CNGB3: variants seen among roughly 807,000 people sequenced by gnomAD.
The protein encoded by CNGB3 is cyclic nucleotide-gated channel beta-3.
CNGB3 carries 86 observed loss-of-function variants against 92.8 expected under a neutral mutation model. The ratio of observed to expected loss-of-function variants is 0.93; its 90% CI spans 0.78 to 1.11. The LOEUF (loss-of-function observed/expected upper bound fraction) is 1.11, where lower values mean the gene tolerates loss of function less well. CNGB3 is among the 50% of genes least tolerant of loss of function. The pLI, the probability that CNGB3 is intolerant of heterozygous loss-of-function variation, is 0.00. For missense variants in CNGB3, 1,026 were observed against 956.8 expected (o/e 1.07, Z -0.95); for synonymous variants, 333 against 332.7 (o/e 1.00, Z -0.01).
rs1175217602 is a variant in CNGB3 at position 86,604,220 on chromosome 8, T to G, written c.1663-9A>C. The G allele has an allele frequency of 1.3e-6, 2 of 1,535,496 alleles. No individual in the cohort carries two copies. The highest frequency in any genetic ancestry group is 1.1e-5 in the South Asian group (1 of 89,258). On this transcript the variant is annotated splice_polypyrimidine_tract_variant and intron_variant, in intron 14 of 17. Coordinates refer to ENST00000320005, the MANE Select transcript of CNGB3 (RefSeq NM_019098.5). ...TCCTTGCCAATTTCTCCCTACATTTTAAATATAAAGAGGAAATGGTAGTTA... is the reference window on the plus strand; with the variant it reads ...TCCTTGCCAATTTCTCCCTACATTTGAAATATAAAGAGGAAATGGTAGTTA...
intron 14 of CNGB3, among the ~76,000 whole-genome samples, chr8:86,610,381 T>C (rs1379606221): frequency 1.3e-5 from 2 of 152,188 alleles, no homozygotes; most frequent in Non-Finnish European, 2.9e-5. Flanking sequence ...TTCTCTGCAC[T>C]CCCTCTATAG....
intron 10 of CNGB3, among the ~76,000 whole-genome samples, chr8:86,641,597 T>C (rs1437957213): frequency 6.6e-6 from 1 of 151,894 alleles, no homozygotes; most frequent in Non-Finnish European, 1.5e-5. Flanking sequence ...TTTGTGTCTT[T>C]TTTTGGACTG....
intron 3 of CNGB3, among the ~76,000 whole-genome samples, chr8:86,700,577 T>G (rs1213374067): frequency 6.6e-6 from 1 of 152,204 alleles, no homozygotes; most frequent in African/African-American, 2.4e-5. Flanking sequence ...CAGGTTATGG[T>G]GTGAATCAAA....
At chr8:86,612,971 G>A (rs73271550) in intron 13 of CNGB3, among the ~76,000 whole-genome samples, 2,052 of 152,258 alleles carry the variant, frequency 0.013, 45 homozygotes, top group African/African-American at 0.046. Context: ...GATGGTAGAA[G>A]ATAATCATGT....
chr8:86,634,284 T>C (rs1015560694), intron 10 of CNGB3, among the ~76,000 whole-genome samples: 1 of 152,154 alleles, frequency 6.6e-6, no homozygotes, highest in African/African-American at 2.4e-5. Context: ...CAACAATTTA[T>C]TAGAAACTAG....
At chr8:86,734,819 C>A (rs548809148) in intron 2 of CNGB3, among the ~76,000 whole-genome samples, 1 of 152,234 alleles carries the variant, frequency 6.6e-6, no homozygotes, top group Admixed American at 6.5e-5. Context: ...TTTATGCTAT[C>A]TGGCTTGTAT....
intron 3 of CNGB3, among the ~76,000 whole-genome samples, chr8:86,703,098 A>T (rs901009653): frequency 8.5e-5 from 13 of 152,124 alleles, no homozygotes; most frequent in Non-Finnish European, 1.3e-4. Flanking sequence ...ACACCATTTT[A>T]AAAATAATCT....
chr8:86,660,046 AG>A (rs1210371194), intron 6 of CNGB3: 2 of 330,238 alleles, frequency 6.1e-6, no homozygotes, highest in South Asian at 2.9e-5. Context: ...GACTGGCACC[AG>A]GGGAAGAGAC....
At chr8:86,638,312 T>C (rs564886275) in intron 10 of CNGB3, among the ~76,000 whole-genome samples, 10 of 152,274 alleles carry the variant, frequency 6.6e-5, no homozygotes, top group Non-Finnish European at 1.2e-4. Context: ...TTTTCCAATA[T>C]GGTTTTATCA....
chr8:86,725,773 C>T (rs892290649), intron 3 of CNGB3, among the ~76,000 whole-genome samples: 2 of 152,112 alleles, frequency 1.3e-5, no homozygotes, highest in Non-Finnish European at 2.9e-5. Flanking sequence ...CGAATAGGTA[C>T]TTTTAACTTC....
At chr8:86,694,105 G>T (rs1824383281) in intron 3 of CNGB3, among the ~76,000 whole-genome samples, 1 of 109,684 alleles carries the variant, frequency 9.1e-6, no homozygotes, top group African/African-American at 3.6e-5. Flanking sequence ...TCCCAGACGG[G>T]GCGGCTGGCC....
At chr8:86,594,695 T>TTTTGTTTGTTTGTTTG (rs59438172) in intron 15 of CNGB3, 2,100 of 166,686 alleles carry the variant, frequency 0.013, 56 homozygotes, top group African/African-American at 0.041. Context: ...TAGACAGCTT[T>TTTTGTTTGTTTGTTTG]TTTGTTTGTT....
chr8:86,646,892 T>C (rs1823299705), intron 8 of CNGB3, among the ~76,000 whole-genome samples: 1 of 151,208 alleles, frequency 6.6e-6, no homozygotes, highest in Admixed American at 6.6e-5. Context: ...TACATTCACA[T>C]AGTTCAAAAA....
chr8:86,675,090 C>T (rs955342533), intron 3 of CNGB3, among the ~76,000 whole-genome samples: 1 of 152,076 alleles, frequency 6.6e-6, no homozygotes, highest in Non-Finnish European at 1.5e-5. Flanking sequence ...TCCCGAGTAG[C>T]TGGGGTTACA....
chr8:86,735,175 C>T, intron 2 of CNGB3, among the ~76,000 whole-genome samples: 3 of 82,018 alleles, frequency 3.7e-5, no homozygotes, highest in Non-Finnish European at 4.3e-5. Context: ...CAGAGTCTTG[C>T]TGTGTTGCCC....
At chr8:86,648,586 G>T (rs1245517219) in intron 7 of CNGB3, among the ~76,000 whole-genome samples, 1 of 151,036 alleles carries the variant, frequency 6.6e-6, no homozygotes, top group Non-Finnish European at 1.5e-5. Context: ...TGTTACCCTG[G>T]TCATTATGAA....
chr8:86,681,136 C>T (rs899772293), intron 3 of CNGB3, among the ~76,000 whole-genome samples: 4 of 152,042 alleles, frequency 2.6e-5, no homozygotes, highest in Non-Finnish European at 5.9e-5. Context: ...TTAAAAACCC[C>T]AGTATCTAAA....
intron 3 of CNGB3, among the ~76,000 whole-genome samples, chr8:86,704,621 G>A (rs1279425253): frequency 6.6e-6 from 1 of 152,172 alleles, no homozygotes; most frequent in East Asian, 1.9e-4. Flanking sequence ...CTAACTGATT[G>A]GCACTTGGTC....
At chr8:86,582,937 TTTTTG>T (rs921971447) in intron 15 of CNGB3, among the ~76,000 whole-genome samples, 60 of 151,774 alleles carry the variant, frequency 4.0e-4, no homozygotes, top group African/African-American at 1.4e-3. Context: ...TTGTCATTCC[TTTTTG>T]TTTTTTTTTT....
Sources: gnomAD v4.1 joint callset for allele counts (sites outside exome capture counted in the v4.1 genomes callset) on GRCh38, gnomAD v4.1.1 for gene constraint, MANE v1.5 for transcripts, NCBI Gene and HGNC (gene_info 2026-07-23, HGNC 2026-07-21) for gene names.